Variants in CNTNAP5 observed in about 807,000 individuals in gnomAD.
The protein encoded by CNTNAP5 is contactin associated protein family member 5, also known as contactin-associated protein-like 5.
Under a neutral mutation model 150.2 loss-of-function variants are expected in CNTNAP5, and 72 were observed. The observed-to-expected ratio is 0.48, with a 90% confidence interval of 0.40 to 0.58. The LOEUF (loss-of-function observed/expected upper bound fraction) is 0.58. CNTNAP5 is among the 20% of genes least tolerant of loss of function. The probability of loss-of-function intolerance (pLI) is 0.00; values close to 1 mark genes in which losing one functional copy is unlikely to be tolerated. For synonymous variants in CNTNAP5, 672 were observed against 619.8 expected (o/e 1.08, Z -1.25); for missense variants, 1,636 against 1,626.2 (o/e 1.01, Z -0.10).
At chr2:124,718,254 T>C (rs1679983866) in intron 13 of CNTNAP5, among the ~76,000 whole-genome samples, 1 of 152,216 alleles carries the variant, frequency 6.6e-6, no homozygotes, top group Non-Finnish European at 1.5e-5. Flanking sequence ...TACCTCCTCT[T>C]TGCTTAAGAA....
chr2:124,918,288 T>G lies in CNTNAP5; in HGVS notation c.*4000T>G, dbSNP rs888867231. ...GAAGGTGGTTTGGTTGTCATCCAGC[T>G]CTTCCTAAAACCCTCCTTAGTCCTG... is the stretch of plus-strand genomic sequence containing the variant. On this transcript the variant is annotated 3_prime_UTR_variant, in exon 24 of 24. Coordinates refer to ENST00000682447, the MANE Select transcript of CNTNAP5 (RefSeq NM_001367498.1). 6.6e-6 allele frequency among the ~76,000 whole-genome samples: 1 copy of G among 152,084 alleles called. No individual in the cohort carries two copies. The highest frequency in any genetic ancestry group is 1.5e-5 in the Non-Finnish European group (1 of 68,010).
At chr2:124,537,358 T>A (rs1695262988) in intron 10 of CNTNAP5, among the ~76,000 whole-genome samples, 1 of 152,162 alleles carries the variant, frequency 6.6e-6, no homozygotes, top group Non-Finnish European at 1.5e-5. Flanking sequence ...GGTGGTTGTA[T>A]TAAAGCAGGA....
rs930930101 is a variant in CNTNAP5 at position 124,764,006 on chromosome 2, A to G, written c.2392A>G (p.Thr798Ala). The G allele has an allele frequency of 1.2e-6, 2 of 1,613,042 alleles. No homozygotes were observed. The highest frequency in any genetic ancestry group is 1.1e-5 in the South Asian group (1 of 91,036). ...CTTCTGGAACGCCGTCTCATTTTAT[A>G]CAGAAGCCTCTTACCTCCACTTTCC... is the stretch of plus-strand genomic sequence containing the variant. ...RRFWNAVSFY[T>A]EASYLHFPTF... The change falls in exon 16 of 24, where the codon ACA becomes GCA. Residue 798 changes from threonine (T) to alanine (A), a missense_variant. Coordinates refer to ENST00000682447, the MANE Select transcript of CNTNAP5 (RefSeq NM_001367498.1).
rs146040514 is a variant in CNTNAP5, at chr2:124,643,693, A to G, written c.1877-4065A>G. On this transcript the variant is annotated intron_variant, in intron 12 of 23. Coordinates refer to ENST00000682447, the MANE Select transcript of CNTNAP5 (RefSeq NM_001367498.1). Reference sequence around the variant, plus strand: ...GAGTCTTTACTCATTTGAGTGCCAGACAGTCTATGTGCACCAAATCATTAT... The same window carrying G: ...GAGTCTTTACTCATTTGAGTGCCAGGCAGTCTATGTGCACCAAATCATTAT... 7.0e-4 allele frequency among the ~76,000 whole-genome samples: 107 copies of G among 152,310 alleles called. 1 individual carries two copies. The East Asian group carries it at 0.012, about 17-fold the overall frequency.
chr2:124,912,809 C>T (rs896550258), intron 23 of CNTNAP5, among the ~76,000 whole-genome samples: 1 of 152,052 alleles, frequency 6.6e-6, no homozygotes, highest in Non-Finnish European at 1.5e-5. Flanking sequence ...GAGGCTTGCA[C>T]AGCTGCTGAC....
At chr2:124,631,661 G>C (rs1677862903) in intron 12 of CNTNAP5, among the ~76,000 whole-genome samples, 1 of 152,110 alleles carries the variant, frequency 6.6e-6, no homozygotes, top group Non-Finnish European at 1.5e-5. Flanking sequence ...CATAGGCAAG[G>C]GGAAAGACTT....
At chr2:124,798,407 C>A (rs72980458) in intron 19 of CNTNAP5, 87 bp downstream of exon 19, 17 of 961,632 alleles carry the variant, frequency 1.8e-5, no homozygotes, top group Non-Finnish European at 2.6e-5. Context: ...ATAATTTCAA[C>A]CTCAAGTTGG....
intron 3 of CNTNAP5, among the ~76,000 whole-genome samples, chr2:124,321,988 A>G: frequency 6.6e-6 from 1 of 151,984 alleles, no homozygotes; most frequent in Non-Finnish European, 1.5e-5. Context: ...TGTCTCTACT[A>G]AAAAGGCAAA....
chr2:124,404,439 A>G (rs1691516256), intron 3 of CNTNAP5, among the ~76,000 whole-genome samples: 1 of 152,118 alleles, frequency 6.6e-6, no homozygotes, highest in South Asian at 2.1e-4. Context: ...TCCACTCTCC[A>G]CTGATCAGTC....
chr2:124,119,907 G>A (rs753754685), intron 1 of CNTNAP5, among the ~76,000 whole-genome samples: 2 of 152,198 alleles, frequency 1.3e-5, no homozygotes, highest in Non-Finnish European at 2.9e-5. Context: ...TTAATTTAGT[G>A]TTGGACACTG....
chr2:124,865,230 A>G (rs1677606133), intron 19 of CNTNAP5, 76 bp from the exon 20 acceptor site: 1 of 1,215,292 alleles, frequency 8.2e-7, no homozygotes, highest in Admixed American at 2.6e-5. Context: ...ATAATCAATT[A>G]AAAGATAATC....
At chr2:124,655,583 T>A (rs1678426216) in intron 13 of CNTNAP5, among the ~76,000 whole-genome samples, 1 of 151,546 alleles carries the variant, frequency 6.6e-6, no homozygotes. Flanking sequence ...TATTTCTACT[T>A]TATGTACAAC....
chr2:124,158,584 C>A (rs2699365), intron 1 of CNTNAP5, among the ~76,000 whole-genome samples: 49,528 of 152,034 alleles, frequency 0.33, 9,065 homozygotes, highest in Admixed American at 0.4. Context: ...GGATATAGAA[C>A]CCATGAATGT....
intron 13 of CNTNAP5, among the ~76,000 whole-genome samples, chr2:124,696,379 T>C (rs567489443): frequency 6.6e-6 from 1 of 152,328 alleles, no homozygotes; most frequent in East Asian, 1.9e-4. Context: ...TGTGATCTTT[T>C]CTATCCTAGA....
intron 13 of CNTNAP5, among the ~76,000 whole-genome samples, chr2:124,706,798 G>GAAGAAGAAGAAGAAGA (rs1558743008): frequency 2.7e-4 from 2 of 7,340 alleles, no homozygotes; most frequent in Non-Finnish European, 6.6e-4. Flanking sequence ...GAAGAAGAAG[G>GAAGAAGAAGAAGAAGA]AGGAGGAGGA....
At chr2:124,840,887 A>G (rs1573653172) in intron 19 of CNTNAP5, among the ~76,000 whole-genome samples, 2 of 152,122 alleles carry the variant, frequency 1.3e-5, no homozygotes, top group Non-Finnish European at 1.5e-5. Flanking sequence ...AGCAAGGAAA[A>G]CATGAGGACC....
intron 3 of CNTNAP5, among the ~76,000 whole-genome samples, chr2:124,272,352 G>A (rs1020826024): frequency 2.0e-5 from 3 of 152,092 alleles, no homozygotes; most frequent in African/African-American, 7.2e-5. Context: ...TTTTAAATAT[G>A]TTATGAAAGT....
intron 11 of CNTNAP5, among the ~76,000 whole-genome samples, chr2:124,571,984 C>T (rs115727213): frequency 1.5e-3 from 232 of 152,222 alleles, no homozygotes; most frequent in African/African-American, 5.2e-3. Flanking sequence ...AATTTTCTGT[C>T]GGCAGCCTAA....
intron 13 of CNTNAP5, among the ~76,000 whole-genome samples, chr2:124,649,228 G>A (rs1379748382): frequency 6.6e-6 from 1 of 152,088 alleles, no homozygotes; most frequent in Non-Finnish European, 1.5e-5. Context: ...CTTAGATTCA[G>A]CCAGGCTTGC....
Sources: allele counts gnomAD v4.1 joint callset (sites outside exome capture counted in the v4.1 genomes callset), GRCh38; gene constraint gnomAD v4.1.1; transcripts MANE v1.5; gene names NCBI Gene and HGNC (gene_info 2026-07-23, HGNC 2026-07-21).